Variants in ATP8A1 observed in about 807,000 individuals in gnomAD.
ATP8A1 encodes phospholipid-transporting ATPase IA.
In ATP8A1, 90 loss-of-function variants were observed where a neutral mutation model predicts 177.7. The observed-to-expected ratio is 0.51, with a 90% CI of 0.43 to 0.60. The LOEUF (loss-of-function observed/expected upper bound fraction) is 0.60, where lower values mean the gene tolerates loss of function less well. Ranked by LOEUF, ATP8A1 falls within the 20% of genes least tolerant of loss-of-function variation. The probability of loss-of-function intolerance (pLI) is 0.00; values close to 1 mark genes in which losing one functional copy is unlikely to be tolerated. For missense variants in ATP8A1, 1,072 were observed against 1,392.8 expected (o/e 0.77, Z 3.67); for synonymous variants, 493 against 485.9 (o/e 1.01, Z -0.19).
chr4:42,496,463 G>A (rs1723281658), intron 24 of ATP8A1, among the ~76,000 whole-genome samples: 1 of 152,104 alleles, frequency 6.6e-6, no homozygotes, highest in African/African-American at 2.4e-5. Context: ...CAGACATCCA[G>A]TCTCTCTCAT....
chr4:42,650,356 C>A (rs1740961784), intron 1 of ATP8A1, among the ~76,000 whole-genome samples: 1 of 152,204 alleles, frequency 6.6e-6, no homozygotes, highest in African/African-American at 2.4e-5. Context: ...TCAGGTAAAA[C>A]TGAACTCATC....
chr4:42,573,206 C>T (rs1405531062), intron 14 of ATP8A1, among the ~76,000 whole-genome samples: 1 of 152,122 alleles, frequency 6.6e-6, no homozygotes, highest in African/African-American at 2.4e-5. Flanking sequence ...ATTATAAAAT[C>T]ACACAAAGTA....
chr4:42,624,593 C>G lies in ATP8A1; in HGVS notation c.306G>C (p.Leu102=). ...CAGCTAAAATAAATAAGAGAGGAAC[C>G]AGTGTTGTATAACGACCTGTTGGTG... ...DVSPTGRYTT[L]VPLLFILAVA... Residue 102 remains leucine, a synonymous_variant, in exon 4 of 37, where the codon CTG becomes CTC. Transcript: ENST00000381668. 1 of 1,486,738 alleles carries G rather than the reference C, an allele frequency of 6.7e-7. No homozygotes were observed. The allele number at this position is 1,486,738 out of a possible 1,614,324, so 92.1% of individuals were successfully genotyped here.
intron 1 of ATP8A1, among the ~76,000 whole-genome samples, chr4:42,647,544 T>C (rs1169206647): frequency 6.6e-6 from 1 of 150,962 alleles, no homozygotes; most frequent in Non-Finnish European, 1.5e-5. Flanking sequence ...TTATAATACA[T>C]ATTAGTATTT....
intron 33 of ATP8A1, among the ~76,000 whole-genome samples, chr4:42,434,962 G>A (rs993381391): frequency 5.3e-5 from 8 of 152,190 alleles, no homozygotes; most frequent in African/African-American, 1.9e-4. Context: ...AGATAAATAC[G>A]TTTTTATCTT....
At chr4:42,552,218 G>A (rs934754151) in intron 17 of ATP8A1, among the ~76,000 whole-genome samples, 5 of 152,016 alleles carry the variant, frequency 3.3e-5, no homozygotes, top group East Asian at 1.9e-4. Context: ...ATAAAGAAGC[G>A]AAAAATTATT....
chr4:42,471,467 G>A (rs1456726278), intron 25 of ATP8A1, among the ~76,000 whole-genome samples: 1 of 152,174 alleles, frequency 6.6e-6, no homozygotes, highest in Non-Finnish European at 1.5e-5. Context: ...GAATTTATGT[G>A]GTTATAGGTA....
intron 20 of ATP8A1, among the ~76,000 whole-genome samples, chr4:42,539,227 A>G (rs1277915704): frequency 6.6e-6 from 1 of 151,680 alleles, no homozygotes; most frequent in African/African-American, 2.4e-5. Context: ...AGACACGAGA[A>G]TGATACAACA....
chr4:42,523,617 A>G (rs1349641049), intron 21 of ATP8A1, among the ~76,000 whole-genome samples: 1 of 152,270 alleles, frequency 6.6e-6, no homozygotes, highest in Non-Finnish European at 1.5e-5. Flanking sequence ...GCCCAGGGAC[A>G]GAAAGAATAG....
At position 42,446,659 on chromosome 4, in the gene ATP8A1, G is replaced by A. The variant is rs964932890; in HGVS notation, c.2897-15C>T. 1.2e-6 allele frequency: 2 copies of A among 1,608,524 alleles called. No homozygotes were observed. Among genetic ancestry groups the A allele is most frequent in the African/African-American group, 2.7e-5 (2 of 74,712 alleles). On this transcript the variant is annotated splice_polypyrimidine_tract_variant and intron_variant, in intron 30 of 36. Transcript: ENST00000381668. ...AAATGCAGTACCTGTACGAAAAGGA[G>A]AGGCCTATTAGAAAGGAAAATGAGA... is the stretch of plus-strand genomic sequence containing the variant.
At chr4:42,540,554 A>T (rs1578131109) in intron 20 of ATP8A1, among the ~76,000 whole-genome samples, 3 of 52,934 alleles carry the variant, frequency 5.7e-5, no homozygotes, top group South Asian at 2.1e-3. Context: ...ACCAATAGAT[A>T]AAAAAAAAAA....
chr4:42,484,426 T>G (rs1486761239), intron 25 of ATP8A1, among the ~76,000 whole-genome samples: 1 of 152,172 alleles, frequency 6.6e-6, no homozygotes, highest in African/African-American at 2.4e-5. Context: ...TGGTATAATT[T>G]TATAGGCTAA....
chr4:42,505,961 C>A (rs1379478615), intron 23 of ATP8A1, among the ~76,000 whole-genome samples: 1 of 152,058 alleles, frequency 6.6e-6, no homozygotes, highest in African/African-American at 2.4e-5. Flanking sequence ...GCTGGTACTA[C>A]AGGCTTCCAA....
chr4:42,607,381 C>T (rs56169905), intron 5 of ATP8A1, among the ~76,000 whole-genome samples: 34,177 of 152,070 alleles, frequency 0.22, 4,311 homozygotes, highest in Non-Finnish European at 0.29. Context: ...GGAAACTAGT[C>T]AATCCTATAA....
intron 1 of ATP8A1, among the ~76,000 whole-genome samples, chr4:42,655,488 CTA>C (rs1456304128): frequency 6.6e-6 from 1 of 152,150 alleles, no homozygotes; most frequent in Admixed American, 6.5e-5. Context: ...TTCACTATCT[CTA>C]TGACTAATTT....
intron 8 of ATP8A1, 148 bp downstream of exon 8, chr4:42,588,112 C>T (rs944157438): frequency 2.4e-5 from 13 of 544,788 alleles, no homozygotes; most frequent in Middle Eastern, 4.1e-4. Flanking sequence ...CTTAACAATA[C>T]CAGTTTATAA....
chr4:42,564,684 G>C (rs1462362823), intron 15 of ATP8A1, among the ~76,000 whole-genome samples: 8 of 152,156 alleles, frequency 5.3e-5, no homozygotes, highest in Admixed American at 5.2e-4. Flanking sequence ...CAGGCTCATA[G>C]GCAGAAGGGA....
At chr4:42,622,990 T>C (rs950367396) in intron 4 of ATP8A1, among the ~76,000 whole-genome samples, 4 of 121,270 alleles carry the variant, frequency 3.3e-5, no homozygotes, top group Admixed American at 9.8e-5. Flanking sequence ...GCCTGGGTGA[T>C]AAGAGCGAAA....
chr4:42,650,846 T>C (rs984470993), intron 1 of ATP8A1, among the ~76,000 whole-genome samples: 1 of 152,178 alleles, frequency 6.6e-6, no homozygotes, highest in Non-Finnish European at 1.5e-5. Context: ...GCAGTTTCTA[T>C]GTTATCCAAG....
Sources: gnomAD v4.1 joint callset for allele counts (sites outside exome capture counted in the v4.1 genomes callset) on GRCh38, gnomAD v4.1.1 for gene constraint, MANE v1.5 for transcripts, NCBI Gene and HGNC (gene_info 2026-07-23, HGNC 2026-07-21) for gene names.